Variants in ABCC9 observed in about 807,000 individuals in gnomAD.
ABCC9 encodes ATP-binding cassette sub-family C member 9.
Under a neutral mutation model 188.3 loss-of-function variants are expected in ABCC9, and 95 were observed. The ratio of observed to expected loss-of-function variants is 0.50; its 90% CI spans 0.43 to 0.60. The LOEUF is 0.60. Among genes scored for constraint, ABCC9 ranks in the 20% least tolerant of loss-of-function variants. The probability of loss-of-function intolerance (pLI) is 0.00; values close to 1 mark genes in which losing one functional copy is unlikely to be tolerated. For synonymous variants in ABCC9, 659 were observed against 652.7 expected, an observed-to-expected ratio of 1.01 and a Z score of -0.15; for missense variants, 1,102 against 1,876.3, an observed-to-expected ratio of 0.59 and a Z score of 7.62.
chr12:21,902,698 T>G (rs1947825793), intron 12 of ABCC9, among the ~76,000 whole-genome samples: 16 of 152,104 alleles, frequency 1.1e-4, no homozygotes, highest in Admixed American at 1.0e-3. Context: ...CTAGAAGAAA[T>G]GGATAAATTC....
At chr12:21,905,163 T>C (rs931642380) in intron 12 of ABCC9, among the ~76,000 whole-genome samples, 1 of 152,078 alleles carries the variant, frequency 6.6e-6, no homozygotes, top group Non-Finnish European at 1.5e-5. Flanking sequence ...CAGCAAACTA[T>C]TGCAGGGACA....
At chr12:21,937,852 C>T (rs1490453994) in intron 2 of ABCC9, among the ~76,000 whole-genome samples, 1 of 152,124 alleles carries the variant, frequency 6.6e-6, no homozygotes, top group Non-Finnish European at 1.5e-5. Flanking sequence ...CACCGTATTA[C>T]ACAACCTCCA....
intron 22 of ABCC9, among the ~76,000 whole-genome samples, chr12:21,857,741 G>A (rs569447026): frequency 3.5e-4 from 54 of 152,248 alleles, no homozygotes; most frequent in East Asian, 9.7e-4. Context: ...GAAGGCAGGC[G>A]TGAGACAAAG....
At chr12:21,813,598 T>C (rs904952256) in intron 35 of ABCC9, among the ~76,000 whole-genome samples, 1 of 152,166 alleles carries the variant, frequency 6.6e-6, no homozygotes, top group African/African-American at 2.4e-5. Context: ...AACATAGTGT[T>C]TTAATGAAAA....
intron 12 of ABCC9, among the ~76,000 whole-genome samples, chr12:21,900,175 C>T (rs189225443): frequency 6.7e-4 from 102 of 152,276 alleles, no homozygotes; most frequent in African/African-American, 8.2e-4. Context: ...CTGCAGCCTC[C>T]GCTGCTGATA....
chr12:21,820,266 T>C (rs1271379720), intron 31 of ABCC9, among the ~76,000 whole-genome samples: 2 of 152,128 alleles, frequency 1.3e-5, no homozygotes, highest in Admixed American at 6.6e-5. Flanking sequence ...AAATATGTCA[T>C]CTGGCTTCTG....
In ABCC9 at chr12:21,852,138, A is replaced by C. The variant is rs1945001317; in HGVS notation, c.2728T>G (p.Trp910Gly). 6.2e-7 allele frequency: 1 copy of C among 1,613,752 alleles called. No homozygotes were observed. The highest frequency in any genetic ancestry group is 8.5e-7 in the Non-Finnish European group (1 of 1,179,874). ...TCTTGCCGATTCATAAGTGTTTTCC[A>C]GTGTTCATAAAGCTCAACATCTTTG... ...QTKDVELYEH[W>G]KTLMNRQDQE... is the part of the protein sequence containing the mutation. Residue 910 changes from tryptophan to glycine, a missense_variant, in exon 24 of 40, where the codon TGG (tryptophan) becomes GGG (glycine). By Grantham distance (184) the Trp-to-Gly change is radical. Around this residue, in one of 12 missense-constraint regions of ABCC9, gnomAD observed 131 missense variants for 170.2 expected, o/e 0.77. Transcript: ENST00000261200.
chr12:21,827,893 TCA>T (rs1291943977), intron 31 of ABCC9, among the ~76,000 whole-genome samples: 2 of 152,194 alleles, frequency 1.3e-5, no homozygotes, highest in African/African-American at 4.8e-5. Flanking sequence ...TAATAAAAGC[TCA>T]CAAGGATGTC....
intron 22 of ABCC9, 98 bp downstream of exon 22, chr12:21,859,488 C>G (rs4148671): frequency 3.2e-5 from 39 of 1,203,344 alleles, no homozygotes; most frequent in Non-Finnish European, 4.8e-5. Context: ...ACAAGTTAAA[C>G]CATCTTTCCT....
intron 22 of ABCC9, among the ~76,000 whole-genome samples, chr12:21,856,128 A>G (rs76857194): frequency 0.01 from 1,596 of 152,298 alleles, 9 homozygotes; most frequent in Middle Eastern, 0.031. Flanking sequence ...ACTATCATTT[A>G]TATGCCATAG....
intron 39 of ABCC9, among the ~76,000 whole-genome samples, chr12:21,803,776 G>C (rs574137163): frequency 6.6e-6 from 1 of 151,908 alleles, no homozygotes; most frequent in South Asian, 2.1e-4. Flanking sequence ...TTGTAATTGT[G>C]TTGATAAAAT....
intron 4 of ABCC9, among the ~76,000 whole-genome samples, chr12:21,928,507 A>C (rs1223124040): frequency 6.6e-6 from 1 of 152,086 alleles, no homozygotes; most frequent in East Asian, 1.9e-4. Context: ...TACTAATATT[A>C]TTTAGGAAAT....
In ABCC9 at chr12:21,881,435, A is replaced by G. The variant is rs895518043; in HGVS notation, c.2019+1331T>C. Reference sequence around the variant, plus strand: ...ATTTTTCTTAATGCATGAATGGTCAATTTTGGAAAAAAAATTCATAATAGT... The same window carrying G: ...ATTTTTCTTAATGCATGAATGGTCAGTTTTGGAAAAAAAATTCATAATAGT... On this transcript the variant is annotated intron_variant, in intron 16 of 39. Transcript: ENST00000261200. Among the ~76,000 whole-genome samples the G allele has an allele frequency of 8.5e-5, 13 of 152,316 alleles. No homozygotes were observed. The East Asian group carries it at 2.3e-3, about 27-fold the overall frequency.
intron 31 of ABCC9, among the ~76,000 whole-genome samples, chr12:21,818,644 C>CT (rs77782399): frequency 0.018 from 1,917 of 107,352 alleles, 38 homozygotes; most frequent in Non-Finnish European, 0.026. Context: ...GTAGGGTTTA[C>CT]TTTTTTTTTT....
chr12:21,899,064 A>G (rs1947578874), intron 12 of ABCC9, among the ~76,000 whole-genome samples: 1 of 152,190 alleles, frequency 6.6e-6, no homozygotes, highest in African/African-American at 2.4e-5. Context: ...CGTTTAGAAA[A>G]AACAAAGTGT....
In ABCC9 at chr12:21,864,300, A is replaced by T. The variant is rs548862575; in HGVS notation, c.2237+139T>A. 3.2e-5 allele frequency: 21 copies of T among 655,130 alleles called. No individual in the cohort carries two copies. In the African/African-American group the frequency reaches 3.8e-4, roughly 12 times the overall value. The allele number at this position is 655,130 out of a possible 1,614,324, so 40.6% of individuals were successfully genotyped here. ...TTTTAGCAGCTTGTCAAGGTTGCGA[A>T]CCACTGCTGTTGGAAATATGCTAGC... On this transcript the variant is annotated intron_variant, in intron 19 of 39. Transcript: ENST00000261200.
intron 20 of ABCC9, among the ~76,000 whole-genome samples, chr12:21,862,022 T>C (rs571699134): frequency 1.4e-4 from 22 of 152,270 alleles, no homozygotes; most frequent in African/African-American, 4.8e-4. Context: ...TCTTAATCAG[T>C]TCATCTTAAT....
chr12:21,903,344 G>A (rs1315626244), intron 12 of ABCC9, among the ~76,000 whole-genome samples: 2 of 152,116 alleles, frequency 1.3e-5, no homozygotes, highest in African/African-American at 4.8e-5. Context: ...GCAAAAACTG[G>A]AAGCATTCCC....
chr12:21,917,127 G>A (rs1007564584), intron 5 of ABCC9, 24 bp from the exon 6 acceptor site: 16 of 1,610,690 alleles, frequency 9.9e-6, no homozygotes, highest in South Asian at 3.3e-5. Flanking sequence ...GACAAAAAGA[G>A]AAAGATGCAA....
Sources: gnomAD v4.1 joint callset for allele counts (sites outside exome capture counted in the v4.1 genomes callset) on GRCh38, gnomAD v4.1.1 for gene constraint, gnomAD v4.1.1 regional missense constraint, MANE v1.5 for transcripts, NCBI Gene and HGNC (gene_info 2026-07-23, HGNC 2026-07-21) for gene names.